Variants in TIMMDC1 observed in about 807,000 individuals in gnomAD.
TIMMDC1 encodes translocase of inner mitochondrial membrane domain containing 1.
In TIMMDC1, 25 loss-of-function variants were observed where a neutral mutation model predicts 32.6. The observed-to-expected ratio is 0.77, with a 90% confidence interval of 0.56 to 1.07. TIMMDC1 has a LOEUF of 1.07. Ranked by LOEUF, TIMMDC1 falls within the 50% of genes least tolerant of loss-of-function variation. The pLI, the probability that TIMMDC1 is intolerant of heterozygous loss-of-function variation, is 0.00. For missense variants in TIMMDC1, 329 were observed against 349.2 expected (o/e 0.94, Z 0.46); for synonymous variants, 130 against 127.6 (o/e 1.02, Z -0.13).
chr3:119,514,682 A>G (rs929535075), intron 5 of TIMMDC1, among the ~76,000 whole-genome samples: 1 of 152,230 alleles, frequency 6.6e-6, no homozygotes, highest in Non-Finnish European at 1.5e-5. Context: ...ATTACTTGAT[A>G]TATTGGTTTT....
chr3:119,512,972 C>T (rs1465365354), intron 4 of TIMMDC1, among the ~76,000 whole-genome samples: 1 of 152,162 alleles, frequency 6.6e-6, no homozygotes, highest in Non-Finnish European at 1.5e-5. Flanking sequence ...AACTCCTGAC[C>T]TCAAGTGATC....
At chr3:119,512,859 G>T (rs930991947) in intron 4 of TIMMDC1, among the ~76,000 whole-genome samples, 12 of 152,046 alleles carry the variant, frequency 7.9e-5, no homozygotes, top group Non-Finnish European at 1.6e-4. Context: ...TTGTGCCTCC[G>T]CCTCCTGAGT....
At position 119,518,108 on chromosome 3, in the gene TIMMDC1, T is replaced by C. The variant is rs576563757; in HGVS notation, c.707+793T>C. On this transcript the variant is annotated intron_variant, in intron 6 of 6. Coordinates refer to ENST00000494664, the MANE Select transcript of TIMMDC1 (RefSeq NM_016589.4). ...TGGTTGTTCATGCACTGAATGCCAC[T>C]GAGGAACATGAAAACTTTCACCTAT... is the stretch of plus-strand genomic sequence containing the variant. Among the ~76,000 whole-genome samples, 5 of 152,186 alleles carry C rather than the reference T, an allele frequency of 3.3e-5. No individual in the cohort carries two copies. In the East Asian group the frequency reaches 9.6e-4, roughly 29 times the overall value.
Position 119,503,943 on chromosome 3 carries a change from C to A in TIMMDC1, c.450-11C>A. On this transcript the variant is annotated splice_polypyrimidine_tract_variant and intron_variant, in intron 3 of 6. Coordinates refer to ENST00000494664, the MANE Select transcript of TIMMDC1 (RefSeq NM_016589.4). ...AAATCTTATATTTTCCTTCTCCTCC[C>A]TTTTTACCAGCACAGTGAACACTAG... The A allele has an allele frequency of 6.2e-7, 1 of 1,609,558 alleles. No individual in the cohort carries two copies. The highest frequency in any genetic ancestry group is 8.5e-7 in the Non-Finnish European group (1 of 1,176,958).
chr3:119,499,027 G>A, intron 1 of TIMMDC1, 100 bp downstream of exon 1: 2 of 903,076 alleles, frequency 2.2e-6, no homozygotes, highest in South Asian at 3.2e-5. Flanking sequence ...AGGATGGTGT[G>A]CTTCATTTTT....
intron 1 of TIMMDC1, among the ~76,000 whole-genome samples, chr3:119,499,191 T>G (rs144883008): frequency 6.7e-6 from 1 of 148,746 alleles, no homozygotes; most frequent in Non-Finnish European, 1.5e-5. Flanking sequence ...CCTCTGGGAC[T>G]CAAGTGATCC....
intron 2 of TIMMDC1, among the ~76,000 whole-genome samples, chr3:119,502,888 T>G (rs1438925045): frequency 6.6e-6 from 1 of 152,222 alleles, no homozygotes; most frequent in Non-Finnish European, 1.5e-5. Flanking sequence ...TGATTCTTCC[T>G]GTAACAATTA....
chr3:119,499,850 A>G (rs1169866879), intron 1 of TIMMDC1, among the ~76,000 whole-genome samples: 1 of 152,254 alleles, frequency 6.6e-6, no homozygotes, highest in Non-Finnish European at 1.5e-5. Context: ...AGAGTAACAA[A>G]TCGAATTAAA....
At chr3:119,514,882 G>A (rs1422473714) in intron 5 of TIMMDC1, among the ~76,000 whole-genome samples, 1 of 152,034 alleles carries the variant, frequency 6.6e-6, no homozygotes, top group Non-Finnish European at 1.5e-5. Flanking sequence ...GCTCATTCAG[G>A]TTGTTGACAG....
chr3:119,500,690 T>G lies in TIMMDC1; in HGVS notation c.195-5T>G. The G allele has an allele frequency of 6.2e-7, 1 of 1,610,218 alleles. No homozygotes were observed. The highest frequency in any genetic ancestry group is 8.5e-7 in the Non-Finnish European group (1 of 1,178,526). ...CCAAACAACATTGTCTTTTTGATGTTGTAGTGAACAGCAGAGAATTTCAAA... is the reference window on the plus strand; with the variant it reads ...CCAAACAACATTGTCTTTTTGATGTGGTAGTGAACAGCAGAGAATTTCAAA... On this transcript the variant is annotated splice_polypyrimidine_tract_variant and splice_region_variant and intron_variant, in intron 1 of 6. Coordinates refer to ENST00000494664, the MANE Select transcript of TIMMDC1 (RefSeq NM_016589.4).
intron 5 of TIMMDC1, 72 bp from the exon 6 acceptor site, chr3:119,517,133 A>C: frequency 1.1e-6 from 1 of 903,970 alleles, no homozygotes; most frequent in South Asian, 1.4e-5. Context: ...CTCACACCTT[A>C]GCAGAGAATC....
rs71156752 is a variant in TIMMDC1 at position 119,522,804 on chromosome 3, T to TTGTG, written c.708-773_708-770dup. 4.5e-3 allele frequency among the ~76,000 whole-genome samples: 675 copies of TTGTG among 148,752 alleles called. 1 individual carries two copies. The highest frequency in any genetic ancestry group is 9.7e-3 in the African/African-American group (397 of 41,010). On this transcript the variant is annotated intron_variant, in intron 6 of 6. Coordinates refer to ENST00000494664, the MANE Select transcript of TIMMDC1 (RefSeq NM_016589.4). ...GTATAGCATATACACGTATGGGTGT[T>TTGTG]TGTGTGTGTGTGTGTGTGTGTGTGT... is the stretch of plus-strand genomic sequence containing the variant.
At chr3:119,522,713 A>G (rs2082035120) in intron 6 of TIMMDC1, among the ~76,000 whole-genome samples, 1 of 152,088 alleles carries the variant, frequency 6.6e-6, no homozygotes, top group Admixed American at 6.6e-5. Context: ...TTTAAGACAG[A>G]TGGATAAAAA....
intron 6 of TIMMDC1, among the ~76,000 whole-genome samples, chr3:119,521,994 A>T (rs1259343215): frequency 6.6e-6 from 1 of 152,196 alleles, no homozygotes; most frequent in Non-Finnish European, 1.5e-5. Flanking sequence ...TAGAAACAGT[A>T]TGGAAGTTCC....
chr3:119,500,839 T>C lies in TIMMDC1; in HGVS notation c.339T>C (p.Tyr113=), dbSNP rs771233860. 6.2e-7 allele frequency: 1 copy of C among 1,613,882 alleles called. No homozygotes were observed. The change falls in exon 2 of 7, where the codon TAT becomes TAC. Residue 113 remains tyrosine (Y), a synonymous_variant. Transcript: ENST00000494664. ...QYIEQSQAEI[Y]HNRFDAVQSA... ...TTGAGCAGAGCCAGGCAGAAATTTA[T>C]CATAACCGGTTTGATGCTGTGGTAT...
At chr3:119,507,365 G>A (rs1376673088) in intron 4 of TIMMDC1, among the ~76,000 whole-genome samples, 2 of 151,950 alleles carry the variant, frequency 1.3e-5, no homozygotes, top group East Asian at 1.9e-4. Flanking sequence ...TTTGTCTTTC[G>A]GTTTGGGAAG....
At chr3:119,504,955 G>A (rs989590889) in intron 4 of TIMMDC1, among the ~76,000 whole-genome samples, 10 of 151,926 alleles carry the variant, frequency 6.6e-5, no homozygotes, top group Non-Finnish European at 7.4e-5. Flanking sequence ...GCAGGTGCCT[G>A]TAATCCCAGC....
chr3:119,523,682 G>C lies in TIMMDC1; in HGVS notation c.784G>C (p.Asp262His), dbSNP rs1403543277. 2 of 1,613,616 alleles carry C rather than the reference G, an allele frequency of 1.2e-6. No individual in the cohort carries two copies. The highest frequency in any genetic ancestry group is 1.1e-5 in the South Asian group (1 of 91,026). The change falls in exon 7 of 7, where the codon GAT becomes CAT. Residue 262 changes from aspartate (D) to histidine (H), a missense_variant. Physicochemically the swap from Asp to His is moderately conservative, Grantham distance 81. Coordinates refer to ENST00000494664, the MANE Select transcript of TIMMDC1 (RefSeq NM_016589.4). Reference protein sequence around the residue: ...SSLQEDEPENDAKKIEALLNL... With the variant: ...SSLQEDEPENHAKKIEALLNL... ...TTTACAGGAAGATGAACCTGAGAATGATGCTAAGAAAATTGAAGCACTGCT... is the reference window on the plus strand; with the variant it reads ...TTTACAGGAAGATGAACCTGAGAATCATGCTAAGAAAATTGAAGCACTGCT...
chr3:119,521,846 G>C (rs2082028849), intron 6 of TIMMDC1, among the ~76,000 whole-genome samples: 1 of 152,162 alleles, frequency 6.6e-6, no homozygotes. Context: ...TTTGGGGACA[G>C]TTTGGGAAAT....
Sources: gnomAD v4.1 joint callset for allele counts (sites outside exome capture counted in the v4.1 genomes callset) on GRCh38, gnomAD v4.1.1 for gene constraint, MANE v1.5 for transcripts, NCBI Gene and HGNC (gene_info 2026-07-23, HGNC 2026-07-21) for gene names.